Variants in ARFGEF1 observed in about 807,000 individuals in gnomAD.
The protein encoded by ARFGEF1 is ARF guanine nucleotide exchange factor 1, also known as brefeldin A-inhibited guanine nucleotide-exchange protein 1.
ARFGEF1 carries 42 observed loss-of-function variants against 231.0 expected under a neutral mutation model. The observed-to-expected ratio is 0.18, with a 90% CI of 0.14 to 0.24. ARFGEF1 has a LOEUF of 0.24. Among genes scored for constraint, ARFGEF1 ranks in the 10% least tolerant of loss-of-function variants. The pLI, the probability that ARFGEF1 is intolerant of heterozygous loss-of-function variation, is 1.00. For missense variants in ARFGEF1, 1,345 were observed against 2,192.0 expected (o/e 0.61, Z 7.72); for synonymous variants, 710 against 732.3 (o/e 0.97, Z 0.49).
At chr8:67,322,697 C>T (rs936225089) in intron 1 of ARFGEF1, among the ~76,000 whole-genome samples, 28 of 152,098 alleles carry the variant, frequency 1.8e-4, no homozygotes, top group Admixed American at 1.7e-3. Flanking sequence ...AAAGTGAGAC[C>T]GTCTCTTAAA....
chr8:67,209,040 A>G (rs1350244571), intron 34 of ARFGEF1, among the ~76,000 whole-genome samples: 3 of 152,254 alleles, frequency 2.0e-5, no homozygotes, highest in Admixed American at 6.5e-5. Flanking sequence ...TGGTTCCTCA[A>G]GAAGTTAAAC....
intron 1 of ARFGEF1, among the ~76,000 whole-genome samples, chr8:67,342,014 T>A (rs935779207): frequency 2.0e-5 from 3 of 152,218 alleles, no homozygotes; most frequent in Non-Finnish European, 4.4e-5. Flanking sequence ...TTCCATTTAA[T>A]AATTAAAAGC....
intron 7 of ARFGEF1, among the ~76,000 whole-genome samples, chr8:67,283,493 A>G (rs557883032): frequency 1.5e-4 from 23 of 152,290 alleles, no homozygotes; most frequent in Middle Eastern, 3.4e-3. Context: ...AACATATGTA[A>G]TATATATGCA....
chr8:67,236,458 T>A (rs1202246910), intron 22 of ARFGEF1, among the ~76,000 whole-genome samples: 2 of 141,518 alleles, frequency 1.4e-5, no homozygotes, highest in African/African-American at 2.6e-5. Context: ...GTACCACATC[T>A]TCTTCTAGCT....
intron 10 of ARFGEF1, among the ~76,000 whole-genome samples, chr8:67,268,710 A>C (rs1412251099): frequency 6.6e-6 from 1 of 152,224 alleles, no homozygotes; most frequent in Non-Finnish European, 1.5e-5. Flanking sequence ...CCCAGTGGTA[A>C]GTAATTGCGG....
intron 7 of ARFGEF1, among the ~76,000 whole-genome samples, chr8:67,285,649 T>C (rs1444708829): frequency 6.6e-6 from 1 of 152,224 alleles, no homozygotes; most frequent in Non-Finnish European, 1.5e-5. Context: ...AATCACCATC[T>C]TAACCAAATG....
At chr8:67,310,789 C>T (rs539070872) in intron 1 of ARFGEF1, among the ~76,000 whole-genome samples, 1 of 151,602 alleles carries the variant, frequency 6.6e-6, no homozygotes, top group African/African-American at 2.4e-5. Context: ...CCCGGCTGCC[C>T]CATCTGAGAA....
chr8:67,195,001 G>T (rs1837571903), downstream of ARFGEF1, among the ~76,000 whole-genome samples: 1 of 152,126 alleles, frequency 6.6e-6, no homozygotes, highest in Non-Finnish European at 1.5e-5. Context: ...AAAAAAGAAA[G>T]AAATTTTATG....
At chr8:67,245,619 A>T (rs567883799) in intron 19 of ARFGEF1, among the ~76,000 whole-genome samples, 1 of 150,566 alleles carries the variant, frequency 6.6e-6, no homozygotes, top group East Asian at 1.9e-4. Context: ...AAAAATAAAA[A>T]GTAAGAAATT....
Position 67,311,627 on chromosome 8 carries a change from C to T in ARFGEF1, c.125-9161G>A, listed in dbSNP as rs566167290. On this transcript the variant is annotated intron_variant, in intron 1 of 38. Transcript: ENST00000262215. Reference sequence around the variant, plus strand: ...GGGAGGGAGGTGGGGGGGTCAGCCCCCCCGCCCAGCCAGCCGCCCCGTCCG... The same window carrying T: ...GGGAGGGAGGTGGGGGGGTCAGCCCTCCCGCCCAGCCAGCCGCCCCGTCCG... Among the ~76,000 whole-genome samples the T allele has an allele frequency of 4.9e-3, 745 of 150,600 alleles. 6 individuals carry two copies. Among genetic ancestry groups the T allele is most frequent in the African/African-American group, 0.017 (716 of 41,006 alleles).
At chr8:67,330,240 A>C (rs554466293) in intron 1 of ARFGEF1, among the ~76,000 whole-genome samples, 1 of 152,156 alleles carries the variant, frequency 6.6e-6, no homozygotes, top group African/African-American at 2.4e-5. Context: ...GAAATATTTA[A>C]CTATTTCATA....
rs76067679 is a variant in ARFGEF1, at chr8:67,267,489, T to A, written c.1573-47A>T. 2.6e-5 allele frequency: 33 copies of A among 1,252,832 alleles called. No individual in the cohort carries two copies. In the South Asian group the frequency reaches 4.2e-4, roughly 16 times the overall value. 77.6% of individuals were successfully genotyped at this position (1,252,832 alleles called of 1,614,324 possible). On this transcript the variant is annotated intron_variant, in intron 10 of 38. Coordinates refer to ENST00000262215, the MANE Select transcript of ARFGEF1 (RefSeq NM_006421.5). ...TGTTTAAAATATTGTTTAGAATTCA[T>A]ATGTGTGATCACTTTTTAAACATCC...
chr8:67,223,660 T>G (rs1839277512), intron 29 of ARFGEF1, among the ~76,000 whole-genome samples: 1 of 152,140 alleles, frequency 6.6e-6, no homozygotes, highest in Non-Finnish European at 1.5e-5. Context: ...ACATGGAATA[T>G]GGTGAGAAAT....
At chr8:67,210,232 T>C (rs183459933) in intron 34 of ARFGEF1, among the ~76,000 whole-genome samples, 32 of 149,022 alleles carry the variant, frequency 2.1e-4, no homozygotes, top group African/African-American at 7.9e-4. Context: ...AATCCAAGCA[T>C]GTTGGGAAGC....
At chr8:67,248,647 G>A (rs1563863358) in intron 19 of ARFGEF1, among the ~76,000 whole-genome samples, 1 of 150,492 alleles carries the variant, frequency 6.6e-6, no homozygotes, top group East Asian at 1.9e-4. Flanking sequence ...GACACATCAA[G>A]TTAAAAAGCT....
intron 19 of ARFGEF1, among the ~76,000 whole-genome samples, chr8:67,244,266 A>AACAAAAC (rs1840029552): frequency 5.8e-5 from 1 of 17,208 alleles, no homozygotes; most frequent in African/African-American, 2.9e-4. Flanking sequence ...AAAAAAAAAA[A>AACAAAAC]AACATTCGAC....
intron 18 of ARFGEF1, 116 bp downstream of exon 18, chr8:67,253,335 C>T: frequency 1.6e-6 from 1 of 633,304 alleles, no homozygotes; most frequent in South Asian, 4.1e-5. Context: ...TTCAGCCTCC[C>T]TGAGTAGCTG....
chr8:67,268,802 A>C (rs534318617), intron 10 of ARFGEF1, among the ~76,000 whole-genome samples: 29 of 152,340 alleles, frequency 1.9e-4, no homozygotes, highest in African/African-American at 6.5e-4. Flanking sequence ...CTGTGAAGAC[A>C]AATATCCATT....
intron 5 of ARFGEF1, among the ~76,000 whole-genome samples, chr8:67,191,133 G>A (rs534463081): frequency 7.9e-5 from 12 of 152,160 alleles, no homozygotes; most frequent in Non-Finnish European, 1.6e-4. Context: ...TCGGTCAAAT[G>A]ACTTGCCAAG....
Sources: allele counts gnomAD v4.1 joint callset (sites outside exome capture counted in the v4.1 genomes callset), GRCh38; gene constraint gnomAD v4.1.1; transcripts MANE v1.5; gene names NCBI Gene and HGNC (gene_info 2026-07-23, HGNC 2026-07-21).